The following EYS variants were observed in gnomAD, a reference collection of about 807,000 sequenced individuals.
EYS encodes the protein protein eyes shut homolog.
EYS carries 250 observed loss-of-function variants against 282.1 expected under a neutral mutation model. The observed-to-expected ratio is 0.89, with a 90% CI of 0.80 to 0.98. The LOEUF (loss-of-function observed/expected upper bound fraction) is 0.98, where lower values mean the gene tolerates loss of function less well. Among genes scored for constraint, EYS ranks in the 50% least tolerant of loss-of-function variants. The pLI, the probability that EYS is intolerant of heterozygous loss-of-function variation, is 0.00. For synonymous variants in EYS, 1,355 were observed against 1,282.9 expected (o/e 1.06, Z -1.20); for missense variants, 4,016 against 3,709.0 (o/e 1.08, Z -2.15).
chr6:64,691,333 A>C (rs1198215487), intron 22 of EYS, among the ~76,000 whole-genome samples: 1 of 152,184 alleles, frequency 6.6e-6, no homozygotes, highest in Non-Finnish European at 1.5e-5. Flanking sequence ...AGAAATAGAA[A>C]TGCGTCTATA....
At chr6:65,659,876 G>C (rs1442132247) in intron 1 of EYS, among the ~76,000 whole-genome samples, 1 of 151,346 alleles carries the variant, frequency 6.6e-6, no homozygotes, top group Non-Finnish European at 1.5e-5. Context: ...CAAGGTTATG[G>C]CTAATCAAAT....
Position 64,591,882 on chromosome 6 carries a change from C to G in EYS, c.3985G>C (p.Val1329Leu). The change falls in exon 26 of 43, where the codon GTC becomes CTC. Residue 1329 changes from valine (V) to leucine (L), a missense_variant. Transcript: ENST00000503581. ...TGTTTTGCTGAAAGCTCTCTAGTGA[C>G]AATCAGTTCTTGGAGTAAGTAGCTT... The part of the protein sequence containing the change: ...LESYLLQELI[V>L]TRELSAKHSL... The G allele has an allele frequency of 6.4e-7, 1 of 1,550,962 alleles. No individual in the cohort carries two copies. The highest frequency in any genetic ancestry group is 1.2e-5 in the South Asian group (1 of 84,018).
chr6:65,548,960 G>A (rs963140553), intron 2 of EYS, among the ~76,000 whole-genome samples: 27 of 152,144 alleles, frequency 1.8e-4, no homozygotes, highest in Middle Eastern at 3.2e-3. Flanking sequence ...GGGGAGGGTG[G>A]TTTCAGGATG....
At chr6:65,193,519 T>G (rs16896388) in intron 12 of EYS, among the ~76,000 whole-genome samples, 34,256 of 151,690 alleles carry the variant, frequency 0.23, 4,010 homozygotes, top group Middle Eastern at 0.26. Context: ...GCCATTTTTT[T>G]TTCTACTGGA....
intron 22 of EYS, chr6:64,729,190 C>G (rs532460420): frequency 7.2e-5 from 11 of 152,364 alleles, no homozygotes; most frequent in African/African-American, 2.6e-4. Context: ...GAGGGTGGGA[C>G]CCTTGCCAAA....
At chr6:64,342,022 AGGTCACAAT>A (rs1239947622) in intron 29 of EYS, among the ~76,000 whole-genome samples, 2 of 151,624 alleles carry the variant, frequency 1.3e-5, no homozygotes, top group Non-Finnish European at 3.0e-5. Context: ...AAATGGGTGG[AGGTCACAAT>A]AGAAACTAGA....
chr6:65,639,873 G>A lies in EYS; in HGVS notation c.-428C>T, dbSNP rs913507265. 4.6e-5 allele frequency: 7 copies of A among 152,114 alleles called. No individual in the cohort carries two copies. Among genetic ancestry groups the A allele is most frequent in the African/African-American group, 1.7e-4 (7 of 41,444 alleles). The allele number at this position is 152,114 out of a possible 1,614,324, so 9.4% of individuals were successfully genotyped here. On this transcript the variant is annotated 5_prime_UTR_variant, in exon 2 of 43. Coordinates refer to ENST00000503581, the MANE Select transcript of EYS (RefSeq NM_001142800.2). The stretch of plus-strand genomic sequence containing the variant: ...TCCAGACTTGACTCCCCAGGTGTAA[G>A]AGAAGAGTGAGGCACAAAGCTGGAA...
At chr6:65,569,380 C>T (rs925143325) in intron 2 of EYS, among the ~76,000 whole-genome samples, 2 of 152,150 alleles carry the variant, frequency 1.3e-5, no homozygotes, top group Non-Finnish European at 2.9e-5. Flanking sequence ...CACACAAAGC[C>T]TGTTTGGTGA....
chr6:65,110,399 G>T (rs1407246), intron 12 of EYS, among the ~76,000 whole-genome samples: 39,508 of 151,872 alleles, frequency 0.26, 6,280 homozygotes, highest in African/African-American at 0.44. Context: ...CTTTTAAAAT[G>T]GTTATTACAC....
chr6:65,654,256 A>G (rs532646265), intron 1 of EYS, among the ~76,000 whole-genome samples: 2 of 151,956 alleles, frequency 1.3e-5, no homozygotes, highest in South Asian at 4.1e-4. Context: ...AATTCATAGT[A>G]TATGTGTCAC....
chr6:64,470,451 T>C (rs2150491846), intron 26 of EYS, among the ~76,000 whole-genome samples: 1 of 152,316 alleles, frequency 6.6e-6, no homozygotes, highest in African/African-American at 2.4e-5. Context: ...TAGAATTGAA[T>C]GACTCATTGA....
At chr6:65,407,978 G>C (rs1766827312) in intron 5 of EYS, among the ~76,000 whole-genome samples, 1 of 151,996 alleles carries the variant, frequency 6.6e-6, no homozygotes, top group African/African-American at 2.4e-5. Flanking sequence ...TTTCTAATTT[G>C]TTGAGAGTTT....
At chr6:64,965,602 G>T (rs192451670) in intron 14 of EYS, among the ~76,000 whole-genome samples, 2 of 152,018 alleles carry the variant, frequency 1.3e-5, no homozygotes. Flanking sequence ...TCTAACTCAT[G>T]AGTACCCCCA....
intron 19 of EYS, among the ~76,000 whole-genome samples, chr6:64,839,668 C>T (rs368246379): frequency 6.6e-6 from 1 of 151,958 alleles, no homozygotes; most frequent in African/African-American, 2.4e-5. Context: ...TTATTTATCC[C>T]AATTATGGAG....
At chr6:65,312,713 G>C (rs906514796) in intron 11 of EYS, among the ~76,000 whole-genome samples, 6 of 152,128 alleles carry the variant, frequency 3.9e-5, no homozygotes, top group African/African-American at 1.4e-4. Context: ...TCAGCTATTG[G>C]CTTTTTCTTT....
chr6:64,844,528 C>T (rs76540855), intron 19 of EYS, among the ~76,000 whole-genome samples: 2,608 of 151,990 alleles, frequency 0.017, 76 homozygotes, highest in African/African-American at 0.06. Flanking sequence ...GTCTCTTATC[C>T]ATGGGTAACA....
chr6:65,593,732 CA>C (rs1765310589), intron 2 of EYS, among the ~76,000 whole-genome samples: 2 of 151,876 alleles, frequency 1.3e-5, no homozygotes, highest in Admixed American at 6.6e-5. Flanking sequence ...ATATACCTTA[CA>C]AAGAGGTCAT....
intron 37 of EYS, among the ~76,000 whole-genome samples, chr6:63,796,186 G>A (rs1396902539): frequency 6.6e-6 from 1 of 152,182 alleles, no homozygotes; most frequent in African/African-American, 2.4e-5. Context: ...TGTAAGTTAT[G>A]AAGTGGTACA....
chr6:64,447,158 C>A (rs1445121909), intron 26 of EYS, among the ~76,000 whole-genome samples: 1 of 152,052 alleles, frequency 6.6e-6, no homozygotes, highest in Non-Finnish European at 1.5e-5. Flanking sequence ...GTAAGCAGAT[C>A]AGCAACTGTG....
Sources: allele counts gnomAD v4.1 joint callset (sites outside exome capture counted in the v4.1 genomes callset), GRCh38; gene constraint gnomAD v4.1.1; transcripts MANE v1.5; gene names NCBI Gene and HGNC (gene_info 2026-07-23, HGNC 2026-07-21).